CLSTN1: variants seen among roughly 807,000 people sequenced by gnomAD.
CLSTN1 encodes calsyntenin 1.
A neutral mutation model predicts 108.3 loss-of-function variants in CLSTN1; 28 were observed. The ratio of observed to expected loss-of-function variants is 0.26; its 90% confidence interval spans 0.19 to 0.35. The LOEUF is 0.35. CLSTN1 is among the 10% of genes least tolerant of loss of function. CLSTN1 has a pLI of 1.00. For missense variants in CLSTN1, 1,157 were observed against 1,302.6 expected, an observed-to-expected ratio of 0.89 and a Z score of 1.72; for synonymous variants, 524 against 534.9, an observed-to-expected ratio of 0.98 and a Z score of 0.28.
chr1:9,769,115 G>A (rs1405700894), intron 2 of CLSTN1, among the ~76,000 whole-genome samples: 2 of 145,534 alleles, frequency 1.4e-5, no homozygotes, highest in Non-Finnish European at 3.0e-5. Context: ...GGGAAGGAGA[G>A]AGAGAGGAAG....
intron 7 of CLSTN1, among the ~76,000 whole-genome samples, chr1:9,746,300 A>AT (rs1272644741): frequency 6.6e-6 from 1 of 151,988 alleles, no homozygotes; most frequent in Non-Finnish European, 1.5e-5. Flanking sequence ...AATTAAAAAA[A>AT]TTTTTTTTTG....
Position 9,744,460 on chromosome 1 carries a change from A to T in CLSTN1, c.1169T>A (p.Val390Glu), listed in dbSNP as rs1043627702. 5 of 1,610,742 alleles carry T rather than the reference A, an allele frequency of 3.1e-6. No individual in the cohort carries two copies. The highest frequency in any genetic ancestry group is 4.2e-6 in the Non-Finnish European group (5 of 1,179,932). ...GCCGAATGGCCCATGTCTCATCCAC[A>T]CCGAGATGGTGAACGGCTCTTTGGG... ...VSPKEPFTIS[V>E]WMRHGPFGRK... is the part of the protein sequence containing the mutation. The change falls in exon 8 of 19, where the codon GTG becomes GAG. Residue 390 changes from valine to glutamate, a missense_variant. Coordinates refer to ENST00000377298, the MANE Select transcript of CLSTN1 (RefSeq NM_001009566.3).
chr1:9,783,709 T>C (rs1417597504), intron 1 of CLSTN1, among the ~76,000 whole-genome samples: 1 of 149,906 alleles, frequency 6.7e-6, no homozygotes, highest in African/African-American at 2.5e-5. Context: ...AATACAAAAA[T>C]TGGCCGGGCA....
chr1:9,753,338 G>A (rs781780842), intron 4 of CLSTN1, among the ~76,000 whole-genome samples: 1 of 152,100 alleles, frequency 6.6e-6, no homozygotes, highest in Admixed American at 6.6e-5. Context: ...CCACGGACCA[G>A]TACTGGCCCA....
chr1:9,764,904 C>T (rs956425503), intron 2 of CLSTN1, among the ~76,000 whole-genome samples: 5 of 152,106 alleles, frequency 3.3e-5, no homozygotes, highest in African/African-American at 7.2e-5. Context: ...TTAATCATTA[C>T]TGATCCCAAA....
chr1:9,731,536 G>A (rs900625585), intron 17 of CLSTN1, 146 bp from the exon 18 acceptor site: 37 of 1,012,446 alleles, frequency 3.7e-5, no homozygotes, highest in Non-Finnish European at 5.1e-5. Context: ...ACCAGGAAAA[G>A]CTCGCCATGG....
intron 1 of CLSTN1, among the ~76,000 whole-genome samples, chr1:9,793,835 A>C (rs1224166206): frequency 6.6e-6 from 1 of 151,474 alleles, no homozygotes; most frequent in Non-Finnish European, 1.5e-5. Flanking sequence ...CACAGGCAAA[A>C]CAGTGCAAAG....
intron 2 of CLSTN1, among the ~76,000 whole-genome samples, chr1:9,765,019 T>A (rs1652257472): frequency 1.3e-5 from 2 of 152,204 alleles, no homozygotes; most frequent in African/African-American, 2.4e-5. Flanking sequence ...AAATTGTTAC[T>A]CAATGCATTA....
At chr1:9,806,120 T>C (rs191672739) in intron 1 of CLSTN1, among the ~76,000 whole-genome samples, 6 of 151,770 alleles carry the variant, frequency 4.0e-5, no homozygotes, top group African/African-American at 1.5e-4. Flanking sequence ...CCAAATCCTG[T>C]CTCTACTAAA....
At chr1:9,757,703 C>T (rs1458053443) in intron 2 of CLSTN1, among the ~76,000 whole-genome samples, 3 of 152,182 alleles carry the variant, frequency 2.0e-5, no homozygotes, top group South Asian at 2.1e-4. Flanking sequence ...AGGGATGCTA[C>T]AACAGTCACT....
chr1:9,787,166 G>A lies in CLSTN1; in HGVS notation c.92-13772C>T, dbSNP rs1315977503. On this transcript the variant is annotated intron_variant, in intron 1 of 18. Coordinates refer to ENST00000377298, the MANE Select transcript of CLSTN1 (RefSeq NM_001009566.3). The stretch of plus-strand genomic sequence containing the variant: ...ACTGAGAGCTAAGGAGGAATGACAG[G>A]GCAGGAGAATCCAGAAGAAGGGGCT... 4.1e-5 allele frequency among the ~76,000 whole-genome samples: 6 copies of A among 144,720 alleles called. 1 individual carries two copies. The highest frequency in any genetic ancestry group is 2.8e-4 in the Admixed American group (4 of 14,516). 94.9% of individuals were successfully genotyped at this position (144,720 alleles called of 152,430 possible).
chr1:9,822,063 A>G (rs1461894640), intron 1 of CLSTN1, among the ~76,000 whole-genome samples: 1 of 152,238 alleles, frequency 6.6e-6, no homozygotes. Flanking sequence ...AAATGGTATC[A>G]CTGACTAAAT....
chr1:9,815,751 C>T (rs943787368), intron 1 of CLSTN1, among the ~76,000 whole-genome samples: 7 of 152,162 alleles, frequency 4.6e-5, no homozygotes, highest in Admixed American at 1.3e-4. Context: ...GCCTGGCCAA[C>T]ATGGTGAAAC....
chr1:9,773,523 G>C, intron 1 of CLSTN1, 129 bp from the exon 2 acceptor site: 1 of 936,184 alleles, frequency 1.1e-6, no homozygotes, highest in East Asian at 3.1e-5. Context: ...AGTGCTCACA[G>C]TTCTGTCGCA....
chr1:9,742,234 A>C (rs1197387389), intron 9 of CLSTN1, among the ~76,000 whole-genome samples: 2 of 152,320 alleles, frequency 1.3e-5, no homozygotes, highest in Non-Finnish European at 2.9e-5. Context: ...TTTAATGTGA[A>C]AGAGTGCTGT....
chr1:9,747,432 T>C (rs763401291), intron 7 of CLSTN1, among the ~76,000 whole-genome samples: 5 of 152,172 alleles, frequency 3.3e-5, no homozygotes, highest in Non-Finnish European at 7.3e-5. Flanking sequence ...CATATGCTCA[T>C]CATTGGACTG....
intron 1 of CLSTN1, among the ~76,000 whole-genome samples, chr1:9,787,742 C>T (rs1331302186): frequency 1.3e-5 from 2 of 151,292 alleles, no homozygotes; most frequent in Non-Finnish European, 2.9e-5. Flanking sequence ...GGAAAATACA[C>T]AGTATAAAAA....
At chr1:9,738,515 G>A (rs756963322) in intron 10 of CLSTN1, among the ~76,000 whole-genome samples, 1 of 152,176 alleles carries the variant, frequency 6.6e-6, no homozygotes, top group Non-Finnish European at 1.5e-5. Context: ...CCCACAACAC[G>A]CTGGTAGAAG....
intron 1 of CLSTN1, among the ~76,000 whole-genome samples, chr1:9,789,442 TAA>T (rs1309887380): frequency 1.3e-5 from 2 of 151,478 alleles, no homozygotes; most frequent in African/African-American, 4.8e-5. Context: ...GTAAAATTGA[TAA>T]GATACCAAAG....
Sources: allele counts gnomAD v4.1 joint callset (sites outside exome capture counted in the v4.1 genomes callset), GRCh38; gene constraint gnomAD v4.1.1; transcripts MANE v1.5; gene names NCBI Gene and HGNC (gene_info 2026-07-23, HGNC 2026-07-21).